Variants in FKBP11 observed in about 807,000 individuals in gnomAD.
FKBP11 encodes the protein FKBP prolyl isomerase 11, also known as peptidyl-prolyl cis-trans isomerase FKBP11.
Under a neutral mutation model 24.7 loss-of-function variants are expected in FKBP11, and 21 were observed. The ratio of observed to expected loss-of-function variants is 0.85; its 90% CI spans 0.60 to 1.23. The LOEUF (loss-of-function observed/expected upper bound fraction) is 1.23. FKBP11 is among the 50% of genes most tolerant of loss of function. The pLI, the probability that FKBP11 is intolerant of heterozygous loss-of-function variation, is 0.00. For synonymous variants in FKBP11, 106 were observed against 100.6 expected (o/e 1.05, Z -0.32); for missense variants, 245 against 248.7 (o/e 0.99, Z 0.10).
At chr12:48,927,037 T>C (rs1939983881), upstream of FKBP11, among the ~76,000 whole-genome samples, 1 of 152,114 alleles carries the variant, frequency 6.6e-6, no homozygotes. Context: ...CTCAAACTGC[T>C]GACCTCGTGA....
intron 5 of FKBP11, 76 bp from the exon 6 acceptor site, chr12:48,922,277 G>C: frequency 7.3e-7 from 1 of 1,376,690 alleles, no homozygotes; most frequent in Non-Finnish European, 1.0e-6. Flanking sequence ...TGAAAATAGG[G>C]AGCGTAGGCC....
the FKBP11 span, chr12:48,938,242 C>T: frequency 2.7e-6 from 1 of 368,566 alleles, no homozygotes; most frequent in Non-Finnish European, 5.5e-6. Flanking sequence ...AATCCATCAT[C>T]TGTCCTATCA....
chr12:48,931,523 T>C, the FKBP11 span: 25 of 1,496,390 alleles, frequency 1.7e-5, no homozygotes, highest in African/African-American at 1.1e-4. Context: ...CTTGGAAAGA[T>C]AGGAGAGTTG....
chr12:48,933,862 CAA>C, the FKBP11 span, among the ~76,000 whole-genome samples: 6 of 124,388 alleles, frequency 4.8e-5, no homozygotes, highest in Admixed American at 8.2e-5. Flanking sequence ...GACTGTGTCT[CAA>C]AAAAAAAAAA....
At chr12:48,935,524 C>T in the FKBP11 span, among the ~76,000 whole-genome samples, 1 of 152,064 alleles carries the variant, frequency 6.6e-6, no homozygotes, top group Non-Finnish European at 1.5e-5. Context: ...GAGCCAGACA[C>T]TGGTAGCAGG....
At chr12:48,938,908 CA>C in the FKBP11 span, 6 of 1,599,338 alleles carry the variant, frequency 3.8e-6, no homozygotes, top group Admixed American at 5.1e-5. Flanking sequence ...GTAGGTATGT[CA>C]GGGGTGGGTG....
At chr12:48,926,224 CTTTTTTTTTTT>C (rs34896547), upstream of FKBP11, 4 of 85,788 alleles carry the variant, frequency 4.7e-5, no homozygotes, top group South Asian at 1.3e-3. Context: ...AAAGACTTCA[CTTTTTTTTTTT>C]TTTTTTTTTT....
Position 48,925,064 on chromosome 12 carries a change from CG to C in FKBP11, c.176del (p.Thr59SerfsTer11). 6.2e-7 allele frequency: 1 copy of C among 1,613,424 alleles called. No homozygotes were observed. The highest frequency in any genetic ancestry group is 8.5e-7 in the Non-Finnish European group (1 of 1,179,780). On this transcript the variant is annotated frameshift_variant, in exon 2 of 6. Transcript: ENST00000550765. LOFTEE classifies it high-confidence loss of function. ...PCAEPAAFGDTLHIHYTGSLV... is the reference protein window; with the variant it reads ...PCAEPAAFGDXLHIHYTGSLV... ...CCCTCACCGTGTAGTGTATGTGAAG[CG>C]TGTCTCCAAAAGCAGCGGGCTCGGC...
intron 2 of FKBP11, 80 bp from the exon 3 acceptor site, chr12:48,924,728 GGGC>G (rs773947711): frequency 6.6e-5 from 104 of 1,579,290 alleles, no homozygotes; most frequent in Middle Eastern, 2.2e-4. Flanking sequence ...CTGGACCGCT[GGGC>G]GGCGGCAGCC....
the FKBP11 span, among the ~76,000 whole-genome samples, chr12:48,932,251 ATATATATATATTTTTTTTTTTTT>A: frequency 1.1e-3 from 45 of 39,144 alleles, 5 homozygotes; most frequent in East Asian, 0.015. Context: ...ATATATATAT[ATATATATATATTTTTTTTTTTTT>A]TTTTTTTTTT....
chr12:48,922,069 T>A lies in FKBP11; in HGVS notation c.521A>T (p.Tyr174Phe). The change falls in exon 6 of 6, where the codon TAT (tyrosine) becomes TTT (phenylalanine). Residue 174 changes from tyrosine to phenylalanine, a missense_variant. Tyr to Phe is a conservative substitution (Grantham distance 22, BLOSUM62 3). Transcript: ENST00000550765. ...MVPALLGLIG[Y>F]HLYRKANRPK... is the part of the protein sequence containing the mutation. ...TCTATTGGCCTTTCTGTATAGGTGA[T>A]ACCCAATGAGGCCCAGGAGGGCTGG... is the stretch of plus-strand genomic sequence containing the variant. 1 of 1,614,210 alleles carries A rather than the reference T, an allele frequency of 6.2e-7. No homozygotes were observed. Among genetic ancestry groups the A allele is most frequent in the Non-Finnish European group, 8.5e-7 (1 of 1,180,034 alleles).
chr12:48,933,461 G>A, the FKBP11 span, among the ~76,000 whole-genome samples: 1 of 152,126 alleles, frequency 6.6e-6, no homozygotes, highest in South Asian at 2.1e-4. Context: ...CAGTGCTTTG[G>A]GAGGCCAAGG....
upstream of FKBP11, among the ~76,000 whole-genome samples, chr12:48,930,335 G>T (rs574279027): frequency 5.9e-5 from 9 of 152,294 alleles, no homozygotes; most frequent in East Asian, 1.7e-3. Context: ...GGAACTAGAA[G>T]GATGCACATC....
chr12:48,926,945 G>T (rs11168792), upstream of FKBP11, among the ~76,000 whole-genome samples: 49,691 of 152,046 alleles, frequency 0.33, 9,130 homozygotes, highest in Admixed American at 0.47. Context: ...GAGTAGCTGG[G>T]ATTATAGGCA....
chr12:48,937,448 CAGAG>C, the FKBP11 span: 1 of 152,562 alleles, frequency 6.6e-6, no homozygotes, highest in South Asian at 2.1e-4. Flanking sequence ...CCCCTGCAGA[CAGAG>C]AGACGCAGTA....
intron 2 of FKBP11, 78 bp downstream of exon 2, chr12:48,924,968 T>C (rs890627887): frequency 7.9e-6 from 12 of 1,513,774 alleles, no homozygotes; most frequent in African/African-American, 2.8e-5. Context: ...GCTTGCCACG[T>C]GTCCAAGCCA....
upstream of FKBP11, chr12:48,926,480 C>G (rs1939967269): frequency 6.7e-6 from 1 of 149,066 alleles, no homozygotes; most frequent in Non-Finnish European, 1.5e-5. Context: ...CTGCCTCGGT[C>G]TCTCAAAGTG....
At chr12:48,938,910 G>A in the FKBP11 span, 18 of 1,602,816 alleles carry the variant, frequency 1.1e-5, no homozygotes, top group South Asian at 2.0e-4. Context: ...AGGTATGTCA[G>A]GGGTGGGTGG....
upstream of FKBP11, among the ~76,000 whole-genome samples, chr12:48,930,240 C>G (rs1223128837): frequency 6.6e-6 from 1 of 152,048 alleles, no homozygotes. Context: ...AGTAAAAAAG[C>G]AAGTAGCAGA....
Sources: allele counts gnomAD v4.1 joint callset (sites outside exome capture counted in the v4.1 genomes callset), GRCh38; gene constraint gnomAD v4.1.1; transcripts MANE v1.5; gene names NCBI Gene and HGNC (gene_info 2026-07-23, HGNC 2026-07-21).